E2F2: variants seen among roughly 807,000 people sequenced by gnomAD.
E2F2 encodes the protein E2F transcription factor 2.
In E2F2, 22 loss-of-function variants were observed where a neutral mutation model predicts 42.2. That is an observed-to-expected ratio of 0.52 (90% CI 0.37 to 0.74). The LOEUF is 0.74. E2F2 is among the 30% of genes least tolerant of loss of function. The pLI is 0.00. For missense variants in E2F2, 481 were observed against 557.8 expected, an observed-to-expected ratio of 0.86 and a Z score of 1.39; for synonymous variants, 248 against 251.6, an observed-to-expected ratio of 0.99 and a Z score of 0.13.
chr1:23,505,751 G>A (rs145545005), downstream of E2F2, among the ~76,000 whole-genome samples: 79 of 152,140 alleles, frequency 5.2e-4, no homozygotes, highest in African/African-American at 1.8e-3. Context: ...CTGACCTTGC[G>A]ATCCGCCCGC....
intron 3 of E2F2, chr1:23,521,527 T>G (rs552026793): frequency 1.0e-6 from 1 of 985,088 alleles, no homozygotes; most frequent in African/African-American, 1.7e-5. Context: ...TATTGGGATC[T>G]CTGACTCAAG....
chr1:23,513,562 ATGTGTGTG>A (rs71023281), intron 6 of E2F2, among the ~76,000 whole-genome samples: 7,717 of 135,202 alleles, frequency 0.057, 211 homozygotes, highest in South Asian at 0.1. Flanking sequence ...AGCACGGAAC[ATGTGTGTG>A]TGTGTGTGTG....
chr1:23,512,487 G>A (rs1642928929), intron 6 of E2F2, among the ~76,000 whole-genome samples: 2 of 152,112 alleles, frequency 1.3e-5, no homozygotes, highest in South Asian at 2.1e-4. Context: ...TGTTTGGCAC[G>A]CTGCTGATGT....
At chr1:23,505,332 G>A (rs1642776798), downstream of E2F2, among the ~76,000 whole-genome samples, 1 of 152,230 alleles carries the variant, frequency 6.6e-6, no homozygotes, top group Non-Finnish European at 1.5e-5. Context: ...ATTTTAGAAA[G>A]ATCTTTCTGG....
In E2F2 at chr1:23,530,494, CACACCTGGA is replaced by C; in HGVS notation, c.252+39_252+47del. 1 of 1,599,844 alleles carries C rather than the reference CACACCTGGA, an allele frequency of 6.3e-7. No homozygotes were observed. The highest frequency in any genetic ancestry group is 8.5e-7 in the Non-Finnish European group (1 of 1,173,546). ...TCTCAGGCACCCCTCCCTCCTTTCC[CACACCTGGA>C]AAAGCATAGGGGGAAGCGGTGGGGG... On this transcript the variant is annotated intron_variant, in intron 1 of 6. Coordinates refer to ENST00000361729, the MANE Select transcript of E2F2 (RefSeq NM_004091.4). This position sits in a 1 kb window ranked among gnomAD's most constrained non-coding sequence, Gnocchi z 4.4.
chr1:23,519,188 G>C, intron 4 of E2F2, 58 bp from the exon 5 acceptor site: 1 of 1,310,938 alleles, frequency 7.6e-7, no homozygotes, highest in African/African-American at 1.4e-5. Flanking sequence ...CCCCAAACCT[G>C]CCAGGGAGCA....
At chr1:23,505,436 A>G (rs936173762), downstream of E2F2, among the ~76,000 whole-genome samples, 7 of 152,022 alleles carry the variant, frequency 4.6e-5, no homozygotes, top group Admixed American at 4.6e-4. Context: ...GCTGCATTAG[A>G]CTCACCTGGG....
rs973909184 is a variant in E2F2 at position 23,531,030 on chromosome 1, G to C, written c.-237C>G. On this transcript the variant is annotated 5_prime_UTR_variant, in exon 1 of 7. Transcript: ENST00000361729. ...GGCGGCTGCGGTGGTGGCACTGCCA[G>C]GGGCTGTCTCGTCCCGAGGGCACCG... 1 of 447,556 alleles carries C rather than the reference G, an allele frequency of 2.2e-6. No individual in the cohort carries two copies. The highest frequency in any genetic ancestry group is 2.0e-5 in the African/African-American group (1 of 48,856). 27.7% of individuals were successfully genotyped at this position (447,556 alleles called of 1,614,324 possible).
intron 3 of E2F2, 188 bp downstream of exon 3, chr1:23,521,649 C>T (rs1643151042): frequency 2.0e-6 from 2 of 985,318 alleles, no homozygotes; most frequent in South Asian, 9.4e-5. Flanking sequence ...CTCTTCCTCA[C>T]CATACATTGG....
chr1:23,513,622 G>C (rs1483019941), intron 6 of E2F2, among the ~76,000 whole-genome samples: 1 of 149,370 alleles, frequency 6.7e-6, no homozygotes, highest in African/African-American at 2.5e-5. Flanking sequence ...CTGTGCAGGA[G>C]AATCCCTTGA....
chr1:23,529,799 A>C (rs186689454), intron 1 of E2F2, among the ~76,000 whole-genome samples: 1 of 151,684 alleles, frequency 6.6e-6, no homozygotes, highest in Admixed American at 6.6e-5. Flanking sequence ...CCCCACCCTA[A>C]AGTTGTTTTG....
At chr1:23,510,779 G>C (rs1642894389) in intron 6 of E2F2, among the ~76,000 whole-genome samples, 2 of 152,120 alleles carry the variant, frequency 1.3e-5, no homozygotes, top group Admixed American at 6.5e-5. Flanking sequence ...TGGTTGTCAG[G>C]GGCTGGGCAG....
intron 1 of E2F2, among the ~76,000 whole-genome samples, chr1:23,526,707 C>T (rs1054378009): frequency 1.3e-5 from 2 of 152,218 alleles, no homozygotes; most frequent in Non-Finnish European, 2.9e-5. Flanking sequence ...AGGCCGGAGC[C>T]AGGGTTTGAA....
rs530082478 is a variant in E2F2, at chr1:23,510,061, G to A, written c.1133C>T (p.Pro378Leu). 5.0e-6 allele frequency: 8 copies of A among 1,610,920 alleles called. No individual in the cohort carries two copies. Among genetic ancestry groups the A allele is most frequent in the Admixed American group, 1.7e-5 (1 of 59,482 alleles). ...CTCAGTCTGCTGCAGGAGTGGGTGC[G>A]GCAGCTCCAGCAGGCTGTCAGTAGC... ...LEATDSLLEL[P>L]HPLLQQTEDQ... The change falls in exon 7 of 7, where the codon CCG becomes CTG. Residue 378 changes from proline (P) to leucine (L), a missense_variant. Coordinates refer to ENST00000361729, the MANE Select transcript of E2F2 (RefSeq NM_004091.4).
At chr1:23,518,947 G>A in intron 5 of E2F2, 69 bp downstream of exon 5, 1 of 1,298,790 alleles carries the variant, frequency 7.7e-7, no homozygotes, top group African/African-American at 1.5e-5. Flanking sequence ...GACAGAGTCT[G>A]CAGAGCCGCC....
In E2F2 at chr1:23,510,019, G is replaced by T. The variant is rs1222960869; in HGVS notation, c.1175C>A (p.Pro392Gln). 1 of 1,613,574 alleles carries T rather than the reference G, an allele frequency of 6.2e-7. No individual in the cohort carries two copies. Among genetic ancestry groups the T allele is most frequent in the Non-Finnish European group, 8.5e-7 (1 of 1,179,862 alleles). Residue 392 changes from proline (P) to glutamine (Q), a missense_variant, in exon 7 of 7, where the codon CCG (proline) becomes CAG (glutamine). Pro to Gln is a moderately conservative substitution (Grantham distance 76). Coordinates refer to ENST00000361729, the MANE Select transcript of E2F2 (RefSeq NM_004091.4). ...LQQTEDQFLS[P>Q]TLACSSPLIS... is the part of the protein sequence containing the mutation. ...CAGAGGGGAGCTGCACGCCAGGGTC[G>T]GGGACAGGAACTGGTCCTCAGTCTG...
Position 23,506,917 on chromosome 1 carries a change from T to G in E2F2, c.*2963A>C, listed in dbSNP as rs1642807111. The G allele has an allele frequency of 6.6e-6, 1 of 152,384 alleles. No individual in the cohort carries two copies. The highest frequency in any genetic ancestry group is 2.4e-5 in the African/African-American group (1 of 41,440). 9.4% of individuals were successfully genotyped at this position (152,384 alleles called of 1,614,324 possible). A position where few individuals can be genotyped will look rare whatever the true frequency, so the allele number is the denominator to read the frequency against. ...AGTTTTTCAAGCTTGACCACCTCCC[T>G]CTTCCTCCCTGAAGGCACACCAGCC... is the stretch of plus-strand genomic sequence containing the variant. On this transcript the variant is annotated 3_prime_UTR_variant, in exon 7 of 7. Transcript: ENST00000361729.
intron 2 of E2F2, among the ~76,000 whole-genome samples, chr1:23,523,356 C>G (rs1291119717): frequency 6.6e-6 from 1 of 152,162 alleles, no homozygotes. Flanking sequence ...GGGGTTTCAC[C>G]ACGTTGGCCA....
At chr1:23,515,026 G>T (rs1399916146) in intron 6 of E2F2, among the ~76,000 whole-genome samples, 1 of 152,176 alleles carries the variant, frequency 6.6e-6, no homozygotes, top group African/African-American at 2.4e-5. Context: ...CTCTGAGTTA[G>T]AGAAATGGAC....
Sources: gnomAD v4.1 joint callset for allele counts (sites outside exome capture counted in the v4.1 genomes callset) on GRCh38, gnomAD v4.1.1 for gene constraint, Gnocchi (gnomAD v3.1) non-coding constraint, MANE v1.5 for transcripts, NCBI Gene and HGNC (gene_info 2026-07-23, HGNC 2026-07-21) for gene names.